Variants in DMAC2 observed in about 807,000 individuals in gnomAD.
DMAC2 encodes distal membrane-arm assembly complex protein 2.
DMAC2 carries 32 observed loss-of-function variants against 29.6 expected under a neutral mutation model. The observed-to-expected ratio is 1.08, with a 90% confidence interval of 0.81 to 1.45. The LOEUF (loss-of-function observed/expected upper bound fraction) is 1.45, where lower values mean the gene tolerates loss of function less well. Ranked by LOEUF, DMAC2 falls within the 40% of genes most tolerant of loss-of-function variation. The pLI is 0.00. For synonymous variants in DMAC2, 133 were observed against 137.4 expected (o/e 0.97, Z 0.23); for missense variants, 319 against 340.0 (o/e 0.94, Z 0.49).
chr19:41,438,503 A>C, intron 1 of DMAC2, 89 bp from the exon 2 acceptor site: 1 of 1,104,164 alleles, frequency 9.1e-7, no homozygotes, highest in South Asian at 1.7e-5. Context: ...ATGAACCTCA[A>C]TCCCTCTGCT....
In DMAC2 at chr19:41,438,390, A is replaced by C. The variant is rs782417508; in HGVS notation, c.43T>G (p.Trp15Gly). ...TGGATGCCCCTGATACGCCCATTCC[A>C]CATGGGGGCGACCAGGCGCAGGGAC... ...WASLRLVAPMWNGRIRGIHRL... is the reference protein window; with the variant it reads ...WASLRLVAPMGNGRIRGIHRL... The change falls in exon 2 of 6, where the codon TGG becomes GGG. Residue 15 changes from tryptophan (W) to glycine (G), a missense_variant. By Grantham distance (184) the Trp-to-Gly change is radical (BLOSUM62 -2). Coordinates refer to ENST00000221943, the MANE Select transcript of DMAC2 (RefSeq NM_018035.3). 6.2e-7 allele frequency: 1 copy of C among 1,614,020 alleles called. No individual in the cohort carries two copies. Among genetic ancestry groups the C allele is most frequent in the Non-Finnish European group, 8.5e-7 (1 of 1,179,960 alleles).
chr19:41,432,574 T>TGTGC, intron 5 of DMAC2, 166 bp from the exon 6 acceptor site: 1 of 616,174 alleles, frequency 1.6e-6, no homozygotes, highest in Admixed American at 2.5e-5. Context: ...TGTGCGTGTG[T>TGTGC]GTGTGTGTGT....
In DMAC2 at chr19:41,438,424, G is replaced by A; in HGVS notation, c.19-10C>T. 1 of 1,608,302 alleles carries A rather than the reference G, an allele frequency of 6.2e-7. No individual in the cohort carries two copies. On this transcript the variant is annotated splice_polypyrimidine_tract_variant and intron_variant, in intron 1 of 5. Coordinates refer to ENST00000221943, the MANE Select transcript of DMAC2 (RefSeq NM_018035.3). ...CGACCAGGCGCAGGGACTGGGGAGG[G>A]GGAGAGGAAAGGAGCTGAGCCTGGA...
intron 2 of DMAC2, among the ~76,000 whole-genome samples, chr19:41,436,720 A>G (rs1482447545): frequency 1.3e-5 from 2 of 152,244 alleles, no homozygotes; most frequent in African/African-American, 4.8e-5. Flanking sequence ...AGGGAGAAAC[A>G]GATAACAACC....
intron 1 of DMAC2, 54 bp from the exon 2 acceptor site, chr19:41,438,468 A>C: frequency 2.8e-6 from 4 of 1,448,156 alleles, no homozygotes; most frequent in African/African-American, 1.4e-5. Flanking sequence ...GGAGACACAG[A>C]GCTGGATCCC....
chr19:41,435,485 G>A (rs957530618), intron 3 of DMAC2, among the ~76,000 whole-genome samples: 6 of 152,132 alleles, frequency 3.9e-5, no homozygotes, highest in Non-Finnish European at 4.4e-5. Flanking sequence ...GGCTAGGCTG[G>A]TCTCGAACTC....
At chr19:41,439,503 C>G in intron 1 of DMAC2, 2 of 1,537,168 alleles carry the variant, frequency 1.3e-6, no homozygotes, top group Non-Finnish European at 1.7e-6. Flanking sequence ...AAGACCAAAT[C>G]CCACATCCTC....
At position 41,431,910 on chromosome 19, in the gene DMAC2, T is replaced by C. The variant is rs2039529529; in HGVS notation, c.*321A>G. On this transcript the variant is annotated 3_prime_UTR_variant, in exon 6 of 6. Coordinates refer to ENST00000221943, the MANE Select transcript of DMAC2 (RefSeq NM_018035.3). ...GTCCCTGCAAGAAATGGCAGTGCAC[T>C]CACATAAGGACAGTTTGAGAAGAGT... 1 of 364,446 alleles carries C rather than the reference T, an allele frequency of 2.7e-6. No homozygotes were observed. The highest frequency in any genetic ancestry group is 3.7e-5 in the South Asian group (1 of 27,394). The allele number at this position is 364,446 out of a possible 1,614,324, so 22.6% of individuals were successfully genotyped here.
In DMAC2 at chr19:41,433,630, A is replaced by G. The variant is rs1555770284; in HGVS notation, c.340T>C (p.Phe114Leu). Residue 114 changes from phenylalanine (F) to leucine (L), a missense_variant, in exon 4 of 6, where the codon TTC becomes CTC. Physicochemically the swap from Phe to Leu is conservative, Grantham distance 22. Coordinates refer to ENST00000221943, the MANE Select transcript of DMAC2 (RefSeq NM_018035.3). ...CAGAAATTCCAGAACTCCTGAGAGA[A>G]ATGGCCATACTTATCTGGCCTGATC... ...EWIRPDKYGH[F>L]SQEFWNFCEV... is the part of the protein sequence containing the mutation. The G allele has an allele frequency of 1.9e-6, 3 of 1,614,094 alleles. No individual in the cohort carries two copies. The highest frequency in any genetic ancestry group is 1.3e-5 in the African/African-American group (1 of 74,942).
intron 4 of DMAC2, 22 bp downstream of exon 4, chr19:41,433,515 A>C: frequency 6.2e-7 from 1 of 1,614,170 alleles, no homozygotes. Context: ...GGCCTGTCCC[A>C]TCTCCACCCC....
intron 1 of DMAC2, chr19:41,439,228 T>C (rs77127052): frequency 2.3e-6 from 1 of 430,976 alleles, no homozygotes; most frequent in Non-Finnish European, 4.1e-6. Context: ...TTTTTTTTTT[T>C]CAAATTATCT....
At chr19:41,439,686 G>T in intron 1 of DMAC2, 196 bp downstream of exon 1, 1 of 1,310,060 alleles carries the variant, frequency 7.6e-7, no homozygotes. Context: ...TCGCTAAAGC[G>T]TCTCCTCCGC....
chr19:41,435,702 G>A (rs144338550), intron 3 of DMAC2, among the ~76,000 whole-genome samples: 4,827 of 152,168 alleles, frequency 0.032, 160 homozygotes, highest in African/African-American at 0.077. Flanking sequence ...TGGGACCACA[G>A]GCATGTGCCA....
chr19:41,437,165 C>A (rs549035536), intron 2 of DMAC2, among the ~76,000 whole-genome samples: 7 of 151,882 alleles, frequency 4.6e-5, no homozygotes, highest in Non-Finnish European at 1.0e-4. Context: ...TTTGGAAGGC[C>A]GAGGCAGGTG....
chr19:41,438,110 T>A, intron 2 of DMAC2, 108 bp downstream of exon 2: 1 of 1,046,082 alleles, frequency 9.6e-7, no homozygotes, highest in Non-Finnish European at 1.4e-6. Flanking sequence ...GCAAGAGACA[T>A]CAAGGCTGGC....
In DMAC2 at chr19:41,432,307, C is replaced by A. The variant is rs782524437; in HGVS notation, c.698G>T (p.Gly233Val). The part of the protein sequence containing the change: ...EEMLPNCEVV[G>V]VDWAEGLKSG... ...CTTCAGGCCCTCAGCCCAGTCGACT[C>A]CCACAACCTCGCAATTGGGCAGCAT... Residue 233 changes from glycine (G) to valine (V), a missense_variant, in exon 6 of 6, where the codon GGA becomes GTA. Physicochemically the swap from Gly to Val is moderately radical, Grantham distance 109. Transcript: ENST00000221943. 3 of 1,614,186 alleles carry A rather than the reference C, an allele frequency of 1.9e-6. No individual in the cohort carries two copies. The highest frequency in any genetic ancestry group is 2.5e-6 in the Non-Finnish European group (3 of 1,180,026).
At chr19:41,437,415 T>C (rs2039925338) in intron 2 of DMAC2, among the ~76,000 whole-genome samples, 1 of 141,188 alleles carries the variant, frequency 7.1e-6, no homozygotes, top group Non-Finnish European at 1.5e-5. Context: ...AAAACAAATT[T>C]TGGCGGGGTG....
At chr19:41,439,494 A>G (rs187336429) in intron 1 of DMAC2, 336 of 1,537,076 alleles carry the variant, frequency 2.2e-4, no homozygotes, top group Non-Finnish European at 2.7e-4. Context: ...CGGTCTTCTA[A>G]GACCAAATCC....
chr19:41,436,392 T>C lies in DMAC2; in HGVS notation c.296A>G (p.Lys99Arg), dbSNP rs782780751. The C allele has an allele frequency of 1.5e-5, 25 of 1,613,912 alleles. No individual in the cohort carries two copies. In the Admixed American group the frequency reaches 1.7e-4, roughly 11 times the overall value. ...CGTTCTAACACCTTAGCGGTCATAC[T>C]TGACTGCGCCTCCCTGCTTCAGGAT... The part of the protein sequence containing the change: ...FFILKQGGAV[K>R]FRDKEWIRPD... The change falls in exon 3 of 6, where the codon AAG (lysine) becomes AGG (arginine). Residue 99 changes from lysine to arginine, a missense_variant and splice_region_variant. Lys to Arg is a conservative substitution (Grantham distance 26). Coordinates refer to ENST00000221943, the MANE Select transcript of DMAC2 (RefSeq NM_018035.3).
Sources: gnomAD v4.1 joint callset for allele counts (sites outside exome capture counted in the v4.1 genomes callset) on GRCh38, gnomAD v4.1.1 for gene constraint, MANE v1.5 for transcripts, NCBI Gene and HGNC (gene_info 2026-07-23, HGNC 2026-07-21) for gene names.